Variants in ZNF385D observed in about 807,000 individuals in gnomAD.
ZNF385D encodes zinc finger protein 385D.
Under a neutral mutation model 35.8 loss-of-function variants are expected in ZNF385D, and 15 were observed. The ratio of observed to expected loss-of-function variants is 0.42; its 90% CI spans 0.28 to 0.64. The LOEUF (loss-of-function observed/expected upper bound fraction) is 0.64. ZNF385D is among the 30% of genes least tolerant of loss of function. The pLI is 0.23. For synonymous variants in ZNF385D, 212 were observed against 186.8 expected (o/e 1.13, Z -1.10); for missense variants, 474 against 494.6 (o/e 0.96, Z 0.39).
chr3:21,920,677 C>T (rs1377642921), intron 3 of ZNF385D, among the ~76,000 whole-genome samples: 1 of 148,468 alleles, frequency 6.7e-6, no homozygotes, highest in Non-Finnish European at 1.5e-5. Flanking sequence ...CTCTAGGATA[C>T]TATAATTTTG....
intron 2 of ZNF385D, among the ~76,000 whole-genome samples, chr3:21,588,220 G>A (rs2063868932): frequency 6.6e-6 from 1 of 152,124 alleles, no homozygotes; most frequent in Admixed American, 6.5e-5. Flanking sequence ...TTGGGGATGG[G>A]TCATAATAAG....
chr3:22,000,502 T>C (rs1695771541), intron 3 of ZNF385D, among the ~76,000 whole-genome samples: 1 of 152,052 alleles, frequency 6.6e-6, no homozygotes. Context: ...CAAGAAATAA[T>C]ATGCCCATAA....
intron 1 of ZNF385D, among the ~76,000 whole-genome samples, chr3:21,698,491 T>C (rs1359528124): frequency 6.6e-6 from 1 of 152,128 alleles, no homozygotes; most frequent in African/African-American, 2.4e-5. Flanking sequence ...GTTGAAAAAG[T>C]ACCTCTTGGG....
intron 2 of ZNF385D, among the ~76,000 whole-genome samples, chr3:22,353,912 C>G (rs1696031574): frequency 6.6e-6 from 1 of 152,090 alleles, no homozygotes; most frequent in Admixed American, 6.6e-5. Flanking sequence ...GTTGATCTCC[C>G]TCCTCCCCAC....
chr3:22,111,714 A>G (rs1477705607), intron 3 of ZNF385D, among the ~76,000 whole-genome samples: 4 of 152,166 alleles, frequency 2.6e-5, no homozygotes, highest in East Asian at 3.9e-4. Context: ...AGTAGAAGAC[A>G]TCGGATCAAA....
At chr3:21,429,968 G>A (rs1055045200) in intron 5 of ZNF385D, among the ~76,000 whole-genome samples, 1 of 151,752 alleles carries the variant, frequency 6.6e-6, no homozygotes, top group African/African-American at 2.4e-5. Flanking sequence ...TGGTATAATA[G>A]CATTATAACT....
chr3:21,823,386 C>A (rs1275310925), intron 3 of ZNF385D, among the ~76,000 whole-genome samples: 1 of 152,124 alleles, frequency 6.6e-6, no homozygotes, highest in Non-Finnish European at 1.5e-5. Context: ...ATTTACTGGA[C>A]TTTGCATTCA....
chr3:21,702,764 A>C (rs926939449), intron 1 of ZNF385D, among the ~76,000 whole-genome samples: 14 of 152,182 alleles, frequency 9.2e-5, no homozygotes, highest in African/African-American at 3.4e-4. Flanking sequence ...AAAGTTCCAC[A>C]AATCTCTATG....
intron 4 of ZNF385D, among the ~76,000 whole-genome samples, chr3:21,457,340 TGTTGTC>T (rs1214674236): frequency 5.5e-5 from 5 of 91,524 alleles, no homozygotes; most frequent in African/African-American, 1.2e-4. Flanking sequence ...GGTTATTTGT[TGTTGTC>T]GTTGTTGTTG....
intron 3 of ZNF385D, among the ~76,000 whole-genome samples, chr3:21,944,494 G>A (rs1490314727): frequency 6.6e-6 from 1 of 152,190 alleles, no homozygotes; most frequent in African/African-American, 2.4e-5. Flanking sequence ...TAGACAAAGA[G>A]GAACTTTTCT....
chr3:21,855,275 AT>A (rs920974820), intron 3 of ZNF385D, among the ~76,000 whole-genome samples: 5 of 151,976 alleles, frequency 3.3e-5, no homozygotes, highest in African/African-American at 1.2e-4. Flanking sequence ...GATAAAAAAA[AT>A]TTTACTCTTC....
intron 3 of ZNF385D, among the ~76,000 whole-genome samples, chr3:21,547,859 C>G (rs1014755012): frequency 9.9e-5 from 15 of 152,096 alleles, no homozygotes; most frequent in African/African-American, 3.6e-4. Flanking sequence ...GGTCCACCCC[C>G]CTTGGCCTCG....
At chr3:21,760,854 T>C (rs2070576068) in intron 3 of ZNF385D, among the ~76,000 whole-genome samples, 1 of 152,162 alleles carries the variant, frequency 6.6e-6, no homozygotes, top group Non-Finnish European at 1.5e-5. Context: ...GAAAGATTGG[T>C]TTAATGTGTG....
intron 3 of ZNF385D, among the ~76,000 whole-genome samples, chr3:21,533,454 G>T (rs2061970124): frequency 6.6e-6 from 1 of 152,054 alleles, no homozygotes; most frequent in African/African-American, 2.4e-5. Flanking sequence ...CTCTAGCAAT[G>T]TTCCATTAAT....
intron 3 of ZNF385D, among the ~76,000 whole-genome samples, chr3:22,035,538 A>C (rs750050009): frequency 2.0e-5 from 3 of 152,180 alleles, no homozygotes; most frequent in Non-Finnish European, 2.9e-5. Context: ...GTTTTTCAAT[A>C]CTGTGACCTA....
intron 3 of ZNF385D, among the ~76,000 whole-genome samples, chr3:21,974,568 A>T (rs1302217267): frequency 6.6e-6 from 1 of 152,174 alleles, no homozygotes; most frequent in African/African-American, 2.4e-5. Flanking sequence ...AAAAATGGAC[A>T]AATGGGTTCA....
At chr3:21,997,981 C>T (rs774892917) in intron 3 of ZNF385D, among the ~76,000 whole-genome samples, 4 of 151,628 alleles carry the variant, frequency 2.6e-5, no homozygotes, top group Admixed American at 6.6e-5. Context: ...GATAACCCTG[C>T]AGATCAAAAC....
intron 3 of ZNF385D, among the ~76,000 whole-genome samples, chr3:21,813,659 G>A (rs997615926): frequency 3.3e-5 from 5 of 151,790 alleles, no homozygotes; most frequent in Admixed American, 3.3e-4. Context: ...AGAAAAAAGA[G>A]TAAAAAGAAA....
chr3:22,132,802 G>A (rs1173862233), intron 3 of ZNF385D, among the ~76,000 whole-genome samples: 3 of 151,924 alleles, frequency 2.0e-5, no homozygotes, highest in Non-Finnish European at 4.4e-5. Context: ...ATACTTAATT[G>A]TGATTTCTTT....
Sources: allele counts gnomAD v4.1 joint callset (sites outside exome capture counted in the v4.1 genomes callset), GRCh38; gene constraint gnomAD v4.1.1; transcripts MANE v1.5; gene names NCBI Gene and HGNC (gene_info 2026-07-23, HGNC 2026-07-21).